The following ANGPT2 variants were observed in gnomAD, a reference collection of about 807,000 sequenced individuals.
ANGPT2 encodes angiopoietin 2, also known as angiopoietin-2.
Under a neutral mutation model 62.9 loss-of-function variants are expected in ANGPT2, and 28 were observed. The ratio of observed to expected loss-of-function variants is 0.44; its 90% CI spans 0.33 to 0.61. The LOEUF (loss-of-function observed/expected upper bound fraction) is 0.61, where lower values mean the gene tolerates loss of function less well. Among genes scored for constraint, ANGPT2 ranks in the 20% least tolerant of loss-of-function variants. The pLI is 0.03. For missense variants in ANGPT2, 727 were observed against 594.9 expected (o/e 1.22, Z -2.31); for synonymous variants, 284 against 207.8 (o/e 1.37, Z -3.15).
chr8:6,530,324 G>C (rs2256628), intron 2 of ANGPT2, among the ~76,000 whole-genome samples: 3,925 of 151,890 alleles, frequency 0.026, 61 homozygotes, highest in African/African-American at 0.048. Context: ...CCTGGCCAAC[G>C]TGGTGAAACC....
chr8:6,537,793 A>C (rs1473975504), intron 1 of ANGPT2, among the ~76,000 whole-genome samples: 2 of 152,156 alleles, frequency 1.3e-5, no homozygotes, highest in Non-Finnish European at 2.9e-5. Flanking sequence ...GGCTCAGTAA[A>C]GGAAAACATA....
intron 8 of ANGPT2, among the ~76,000 whole-genome samples, chr8:6,507,184 C>T (rs1813918235): frequency 6.6e-6 from 1 of 152,210 alleles, no homozygotes; most frequent in Admixed American, 6.5e-5. Flanking sequence ...AAGCGGGGGC[C>T]ACCATGCCCA....
At chr8:6,539,212 G>T (rs1483448138) in intron 1 of ANGPT2, among the ~76,000 whole-genome samples, 1 of 152,256 alleles carries the variant, frequency 6.6e-6, no homozygotes, top group African/African-American at 2.4e-5. Context: ...AGTACCCACA[G>T]TGAGAGGTGA....
chr8:6,502,078 G>A lies in ANGPT2; in HGVS notation c.*1023C>T, dbSNP rs927527068. 2 of 151,918 alleles carry A rather than the reference G, an allele frequency of 1.3e-5. No homozygotes were observed. The highest frequency in any genetic ancestry group is 4.8e-5 in the African/African-American group (2 of 41,384). 9.4% of individuals were successfully genotyped at this position (151,918 alleles called of 1,614,324 possible). Reference sequence around the variant, plus strand: ...GCTTTTCTCAACCAGAAATTAAATTGTAGTCTAGTTCTATAAAAATATATC... The same window carrying A: ...GCTTTTCTCAACCAGAAATTAAATTATAGTCTAGTTCTATAAAAATATATC... On this transcript the variant is annotated 3_prime_UTR_variant, in exon 9 of 9. Transcript: ENST00000629816.
In ANGPT2 at chr8:6,521,460, T is replaced by C. The variant is rs115694540; in HGVS notation, c.567-50A>G. ...TAGTGAAGGCTATTCTAATGAAATA[T>C]TTTATATTTATTGAATTTCTACTTC... is the stretch of plus-strand genomic sequence containing the variant. On this transcript the variant is annotated intron_variant, in intron 3 of 8. Transcript: ENST00000629816. 3,526 of 1,293,120 alleles carry C rather than the reference T, an allele frequency of 2.7e-3. 76 individuals carry two copies. The African/African-American group carries it at 0.045, about 17-fold the overall frequency. 80.1% of individuals were successfully genotyped at this position (1,293,120 alleles called of 1,614,324 possible).
chr8:6,529,905 G>A (rs1207636228), intron 2 of ANGPT2, among the ~76,000 whole-genome samples: 2 of 149,992 alleles, frequency 1.3e-5, no homozygotes, highest in Non-Finnish European at 3.0e-5. Flanking sequence ...ATCATATGAC[G>A]CAACACAAGT....
intron 3 of ANGPT2, among the ~76,000 whole-genome samples, chr8:6,522,698 CGGGA>C (rs1817592851): frequency 6.6e-6 from 1 of 151,154 alleles, no homozygotes; most frequent in South Asian, 2.1e-4. Context: ...TGCTTGAACC[CGGGA>C]GGTGGAGGTT....
intron 2 of ANGPT2, among the ~76,000 whole-genome samples, chr8:6,530,081 G>A (rs2515471): frequency 0.19 from 28,294 of 152,006 alleles, 3,312 homozygotes; most frequent in African/African-American, 0.33. Context: ...AAGAAATGTT[G>A]TAGTTTAAAA....
intron 4 of ANGPT2, 21 bp from the exon 5 acceptor site, chr8:6,520,012 G>C (rs963863238): frequency 4.3e-6 from 7 of 1,611,968 alleles, no homozygotes; most frequent in Middle Eastern, 1.7e-4. Context: ...AAAATAGTAA[G>C]GCATTTAAAC....
chr8:6,506,489 C>A (rs1300219684), intron 8 of ANGPT2, among the ~76,000 whole-genome samples: 1 of 152,154 alleles, frequency 6.6e-6, no homozygotes, highest in African/African-American at 2.4e-5. Context: ...CTGAGAAGCT[C>A]AGCACATACG....
intron 1 of ANGPT2, among the ~76,000 whole-genome samples, chr8:6,547,537 C>T (rs1454722506): frequency 6.6e-6 from 1 of 152,204 alleles, no homozygotes; most frequent in Non-Finnish European, 1.5e-5. Context: ...AGAGATGTTT[C>T]TCTGTTTATC....
chr8:6,505,783 T>A (rs947327745), intron 8 of ANGPT2, among the ~76,000 whole-genome samples: 1 of 136,150 alleles, frequency 7.3e-6, no homozygotes, highest in Non-Finnish European at 1.5e-5. Flanking sequence ...ATTCTTTATA[T>A]ATGTATATAT....
chr8:6,521,688 A>T (rs1183311398), intron 3 of ANGPT2, among the ~76,000 whole-genome samples: 7 of 152,312 alleles, frequency 4.6e-5, no homozygotes, highest in African/African-American at 1.4e-4. Context: ...GATAGGTGGG[A>T]TATGGGTGTT....
At chr8:6,538,614 A>C (rs2129573102) in intron 1 of ANGPT2, among the ~76,000 whole-genome samples, 1 of 152,202 alleles carries the variant, frequency 6.6e-6, no homozygotes, top group African/African-American at 2.4e-5. Flanking sequence ...CTCCTCCTTG[A>C]GTCTTCTCTT....
chr8:6,511,548 C>T (rs765126023), intron 7 of ANGPT2, among the ~76,000 whole-genome samples: 30 of 151,864 alleles, frequency 2.0e-4, no homozygotes, highest in Non-Finnish European at 3.5e-4. Context: ...AACATTTCTT[C>T]TGGGAAAAAA....
chr8:6,555,465 C>CTTT (rs530250678), intron 1 of ANGPT2, among the ~76,000 whole-genome samples: 11,715 of 142,518 alleles, frequency 0.082, 1,424 homozygotes, highest in African/African-American at 0.27. Context: ...GTGGTTTGCC[C>CTTT]TTTTTTTTTT....
chr8:6,522,853 A>G (rs1483723974), intron 3 of ANGPT2, among the ~76,000 whole-genome samples: 1 of 152,118 alleles, frequency 6.6e-6, no homozygotes, highest in Non-Finnish European at 1.5e-5. Context: ...TGGCAGGGGC[A>G]GAATACAATC....
At chr8:6,546,040 C>G (rs752097299) in intron 1 of ANGPT2, among the ~76,000 whole-genome samples, 1 of 152,340 alleles carries the variant, frequency 6.6e-6, no homozygotes, top group Non-Finnish European at 1.5e-5. Context: ...ATCAAACACA[C>G]CCGGTGTGAG....
intron 8 of ANGPT2, among the ~76,000 whole-genome samples, chr8:6,505,084 G>T (rs1021604564): frequency 8.5e-6 from 1 of 118,042 alleles, no homozygotes; most frequent in Non-Finnish European, 1.9e-5. Flanking sequence ...AATTAACCTC[G>T]ACCCAAGCGT....
Sources: gnomAD v4.1 joint callset for allele counts (sites outside exome capture counted in the v4.1 genomes callset) on GRCh38, gnomAD v4.1.1 for gene constraint, MANE v1.5 for transcripts, NCBI Gene and HGNC (gene_info 2026-07-23, HGNC 2026-07-21) for gene names.